Variants in NKD1 observed in about 807,000 individuals in gnomAD.
NKD1 encodes the protein protein naked cuticle homolog 1.
Under a neutral mutation model 56.0 loss-of-function variants are expected in NKD1, and 21 were observed. That is an observed-to-expected ratio of 0.38 (90% CI 0.27 to 0.54). The LOEUF is 0.54. Among genes scored for constraint, NKD1 ranks in the 20% least tolerant of loss-of-function variants. The pLI, the probability that NKD1 is intolerant of heterozygous loss-of-function variation, is 0.82. For missense variants in NKD1, 578 were observed against 642.7 expected, an observed-to-expected ratio of 0.90 and a Z score of 1.09; for synonymous variants, 263 against 265.7, an observed-to-expected ratio of 0.99 and a Z score of 0.10.
At chr16:50,594,691 C>G (rs1275688983) in intron 3 of NKD1, among the ~76,000 whole-genome samples, 1 of 152,132 alleles carries the variant, frequency 6.6e-6, no homozygotes, top group African/African-American at 2.4e-5. Flanking sequence ...CTCAGGGCCA[C>G]CTGGGGTGGG....
At chr16:50,618,324 T>C (rs1212744276) in intron 4 of NKD1, among the ~76,000 whole-genome samples, 1 of 152,106 alleles carries the variant, frequency 6.6e-6, no homozygotes, top group African/African-American at 2.4e-5. Flanking sequence ...AGGCAGAGAA[T>C]GGACTCAGAC....
In NKD1 at chr16:50,566,402, A is replaced by G. The variant is rs115444914; in HGVS notation, c.192+16847A>G. Among the ~76,000 whole-genome samples the G allele has an allele frequency of 4.9e-3, 751 of 152,334 alleles. 6 individuals carry two copies. Among genetic ancestry groups the G allele is most frequent in the African/African-American group, 0.017 (721 of 41,570 alleles). Reference sequence around the variant, plus strand: ...GTCCAGACTCCCAGCTTCAGTTGTTAGAGAAGAAAGTTCCAGCAAAAACCC... The same window carrying G: ...GTCCAGACTCCCAGCTTCAGTTGTTGGAGAAGAAAGTTCCAGCAAAAACCC... On this transcript the variant is annotated intron_variant, in intron 3 of 9. Transcript: ENST00000268459.
intron 3 of NKD1, among the ~76,000 whole-genome samples, chr16:50,600,952 A>G (rs539375726): frequency 2.0e-4 from 31 of 152,330 alleles, no homozygotes; most frequent in South Asian, 4.1e-4. Flanking sequence ...CCGGGGATCT[A>G]CAGTTAGGAG....
Position 50,634,463 on chromosome 16 carries a change from C to G in NKD1, c.*682C>G, listed in dbSNP as rs1962424552. 6.6e-6 allele frequency: 1 copy of G among 152,372 alleles called. No homozygotes were observed. The highest frequency in any genetic ancestry group is 1.5e-5 in the Non-Finnish European group (1 of 68,046). The allele number at this position is 152,372 out of a possible 1,614,324, so 9.4% of individuals were successfully genotyped here. A position where few individuals can be genotyped will look rare whatever the true frequency, so the allele number is the denominator to read the frequency against. On this transcript the variant is annotated 3_prime_UTR_variant, in exon 10 of 10. Transcript: ENST00000268459. ...TCTCTTCCTTCTCCTTCTTCTCTCT[C>G]TACTTTACAGTGATACACACACGTA...
At chr16:50,585,613 C>A (rs538869221) in intron 3 of NKD1, among the ~76,000 whole-genome samples, 1 of 152,296 alleles carries the variant, frequency 6.6e-6, no homozygotes, top group South Asian at 2.1e-4. Flanking sequence ...AGCCGCCAAG[C>A]GTTTACCCAG....
At chr16:50,552,688 A>G (rs1960416124) in intron 3 of NKD1, among the ~76,000 whole-genome samples, 1 of 152,242 alleles carries the variant, frequency 6.6e-6, no homozygotes, top group African/African-American at 2.4e-5. Flanking sequence ...TGGGTGTAAT[A>G]ATATTTTCAT....
chr16:50,631,283 G>T (rs889757175), intron 8 of NKD1, among the ~76,000 whole-genome samples: 2 of 152,076 alleles, frequency 1.3e-5, no homozygotes, highest in Non-Finnish European at 2.9e-5. Flanking sequence ...GCTGCCACGT[G>T]GGTTATGAAA....
At chr16:50,564,701 G>C (rs971721496) in intron 3 of NKD1, among the ~76,000 whole-genome samples, 1 of 152,122 alleles carries the variant, frequency 6.6e-6, no homozygotes, top group African/African-American at 2.4e-5. Flanking sequence ...ATTCTGTTCT[G>C]TTCTGTCCAA....
intron 4 of NKD1, among the ~76,000 whole-genome samples, chr16:50,618,260 C>A (rs1424525826): frequency 1.3e-4 from 20 of 152,066 alleles, no homozygotes; most frequent in Admixed American, 1.2e-3. Flanking sequence ...TGAAATTAGG[C>A]CCCCAAAAGA....
intron 3 of NKD1, chr16:50,606,815 T>A (rs1295883270): frequency 4.4e-6 from 2 of 456,614 alleles, no homozygotes; most frequent in South Asian, 3.1e-5. Flanking sequence ...GGGGAAGCTC[T>A]GCCTACCAGC....
At chr16:50,555,062 C>T (rs1746136987) in intron 3 of NKD1, among the ~76,000 whole-genome samples, 1 of 152,130 alleles carries the variant, frequency 6.6e-6, no homozygotes, top group Non-Finnish European at 1.5e-5. Flanking sequence ...CCCAGGCCCA[C>T]TCCTAGGACC....
chr16:50,621,037 G>A (rs1410163057), intron 4 of NKD1, among the ~76,000 whole-genome samples: 1 of 152,232 alleles, frequency 6.6e-6, no homozygotes, highest in Non-Finnish European at 1.5e-5. Context: ...GCATGTGCGT[G>A]TGTATGTGTG....
chr16:50,572,880 A>G (rs1362777137), intron 3 of NKD1: 3 of 984,932 alleles, frequency 3.0e-6, no homozygotes, highest in Non-Finnish European at 3.6e-6. Context: ...CAACAGGATC[A>G]TGAGGTCGGA....
chr16:50,590,603 G>A (rs192614307), intron 3 of NKD1, among the ~76,000 whole-genome samples: 5 of 152,278 alleles, frequency 3.3e-5, no homozygotes, highest in Non-Finnish European at 5.9e-5. Flanking sequence ...AACTCCACAA[G>A]GCAGATATTA....
intron 6 of NKD1, among the ~76,000 whole-genome samples, chr16:50,626,759 C>T (rs1962225537): frequency 6.6e-6 from 1 of 152,222 alleles, no homozygotes; most frequent in South Asian, 2.1e-4. Flanking sequence ...GATGACCTGT[C>T]CCTCCCCGAG....
At chr16:50,611,910 T>C (rs563008748) in intron 4 of NKD1, among the ~76,000 whole-genome samples, 133 of 152,288 alleles carry the variant, frequency 8.7e-4, no homozygotes, top group African/African-American at 3.1e-3. Flanking sequence ...CCCAGCACAC[T>C]TGAGCTGCCA....
chr16:50,548,927 A>G, intron 2 of NKD1, 178 bp downstream of exon 2: 3 of 893,922 alleles, frequency 3.4e-6, no homozygotes, highest in Non-Finnish European at 3.9e-6. Context: ...TGTCCCTCCT[A>G]CCCGCTCCCC....
chr16:50,564,553 C>G lies in NKD1; in HGVS notation c.192+14998C>G, dbSNP rs370812083. 1.4e-4 allele frequency among the ~76,000 whole-genome samples: 21 copies of G among 152,314 alleles called. 1 individual carries two copies. Among genetic ancestry groups the G allele is most frequent in the Admixed American group, 4.6e-4 (7 of 15,306 alleles). The stretch of plus-strand genomic sequence containing the variant: ...GACTGTAAAGTCCACAGGTCAGGTT[C>G]TTTGTGGCTCACTCTTGTATCCCTG... On this transcript the variant is annotated intron_variant, in intron 3 of 9. Coordinates refer to ENST00000268459, the MANE Select transcript of NKD1 (RefSeq NM_033119.5).
Position 50,643,390 on chromosome 16 carries a change from ATTGATACAGG to A in NKD1, c.*9614_*9623del, listed in dbSNP as rs1440758407. The A allele has an allele frequency of 6.6e-6, 1 of 152,220 alleles. No individual in the cohort carries two copies. The highest frequency in any genetic ancestry group is 1.5e-5 in the Non-Finnish European group (1 of 68,048). The allele number at this position is 152,220 out of a possible 1,614,324, so 9.4% of individuals were successfully genotyped here. A position where few individuals can be genotyped will look rare whatever the true frequency, so the allele number is the denominator to read the frequency against. On this transcript the variant is annotated 3_prime_UTR_variant, in exon 10 of 10. Coordinates refer to ENST00000268459, the MANE Select transcript of NKD1 (RefSeq NM_033119.5). ...CCTCCCTTTCCAGGAGCCTGCTGGCATTGATACAGGTTGACAAAGACCAGTCCTACTCCGT... is the reference window on the plus strand; with the variant it reads ...CCTCCCTTTCCAGGAGCCTGCTGGCATTGACAAAGACCAGTCCTACTCCGT...
Sources: allele counts gnomAD v4.1 joint callset (sites outside exome capture counted in the v4.1 genomes callset), GRCh38; gene constraint gnomAD v4.1.1; transcripts MANE v1.5; gene names NCBI Gene and HGNC (gene_info 2026-07-23, HGNC 2026-07-21).